DLG2: variants seen among roughly 807,000 people sequenced by gnomAD.
DLG2 encodes the protein disks large homolog 2.
DLG2 carries 45 observed loss-of-function variants against 132.5 expected under a neutral mutation model. The observed-to-expected ratio is 0.34, with a 90% CI of 0.27 to 0.44. The LOEUF is 0.44. DLG2 is among the 20% of genes least tolerant of loss of function. DLG2 has a pLI of 1.00. For synonymous variants in DLG2, 424 were observed against 419.6 expected (o/e 1.01, Z -0.13); for missense variants, 1,045 against 1,196.9 (o/e 0.87, Z 1.87).
intron 6 of DLG2, among the ~76,000 whole-genome samples, chr11:84,939,530 C>T (rs146051620): frequency 1.3e-5 from 2 of 152,206 alleles, no homozygotes; most frequent in East Asian, 3.9e-4. Flanking sequence ...TACCCATTAA[C>T]CATTCCCATT....
intron 9 of DLG2, among the ~76,000 whole-genome samples, chr11:84,102,746 G>T (rs1396944305): frequency 6.6e-6 from 1 of 152,138 alleles, no homozygotes; most frequent in Non-Finnish European, 1.5e-5. Context: ...ACAGAGAAAA[G>T]GGGATGTTTT....
rs562579938 is a variant in DLG2 at position 85,180,102 on chromosome 11, A to C, written c.187-25451T>G. Among the ~76,000 whole-genome samples, 3 of 151,994 alleles carry C rather than the reference A, an allele frequency of 2.0e-5. No individual in the cohort carries two copies. The East Asian group carries it at 5.8e-4, about 29-fold the overall frequency. ...TTATTAAATATTATACTCTAGAAGA[A>C]GCTTTATGGATGTCAAAATGCCAGC... On this transcript the variant is annotated intron_variant, in intron 4 of 27. Transcript: ENST00000376104.
At chr11:83,859,047 G>A (rs558035920) in intron 16 of DLG2, among the ~76,000 whole-genome samples, 10 of 152,082 alleles carry the variant, frequency 6.6e-5, no homozygotes, top group African/African-American at 2.4e-4. Flanking sequence ...GCTCCTCCTT[G>A]CCTTCTGCCA....
chr11:83,835,153 T>C (rs1298687333), intron 16 of DLG2, among the ~76,000 whole-genome samples: 2 of 152,194 alleles, frequency 1.3e-5, no homozygotes, highest in Admixed American at 6.5e-5. Context: ...AGTTAACTCA[T>C]TTCATTCTAC....
chr11:84,169,400 A>T (rs1200982680), intron 8 of DLG2, among the ~76,000 whole-genome samples: 1 of 152,202 alleles, frequency 6.6e-6, no homozygotes, highest in Admixed American at 6.5e-5. Flanking sequence ...CAAATACTGA[A>T]TGTTTGCTAA....
At chr11:84,127,066 T>C (rs1254615193) in intron 9 of DLG2, among the ~76,000 whole-genome samples, 2 of 152,196 alleles carry the variant, frequency 1.3e-5, no homozygotes, top group Admixed American at 6.5e-5. Context: ...CATTATAGTT[T>C]TAGGAATTTA....
chr11:84,318,926 G>GA (rs2098386342), intron 7 of DLG2, among the ~76,000 whole-genome samples: 1 of 151,960 alleles, frequency 6.6e-6, no homozygotes, highest in African/African-American at 2.4e-5. Flanking sequence ...TAAATGGAAG[G>GA]AAAAAATAGA....
At chr11:85,603,984 T>C (rs1250796246) in intron 2 of DLG2, among the ~76,000 whole-genome samples, 2 of 152,152 alleles carry the variant, frequency 1.3e-5, no homozygotes, top group Admixed American at 1.3e-4. Flanking sequence ...CTCAAAAATG[T>C]ATTAACAATA....
At chr11:83,802,070 T>A (rs2153941900) in intron 17 of DLG2, among the ~76,000 whole-genome samples, 1 of 152,090 alleles carries the variant, frequency 6.6e-6, no homozygotes, top group Admixed American at 6.6e-5. Context: ...CCCAAGACTT[T>A]TTTTTTTTCT....
Position 83,856,885 on chromosome 11 carries a change from A to G in DLG2, c.1565+17535T>C, listed in dbSNP as rs182290521. 2.5e-3 allele frequency among the ~76,000 whole-genome samples: 376 copies of G among 152,342 alleles called. 2 individuals are homozygous for G. Among genetic ancestry groups the G allele is most frequent in the Non-Finnish European group, 3.7e-3 (251 of 68,024 alleles). On this transcript the variant is annotated intron_variant, in intron 16 of 27. Transcript: ENST00000376104. Reference sequence around the variant, plus strand: ...TGTAATTGCTTTTGGCACCTTCATCATGAAATCTTTGCCTGTGCCTATATT... The same window carrying G: ...TGTAATTGCTTTTGGCACCTTCATCGTGAAATCTTTGCCTGTGCCTATATT...
chr11:83,546,700 A>G (rs761789390), intron 19 of DLG2, among the ~76,000 whole-genome samples: 1 of 152,142 alleles, frequency 6.6e-6, no homozygotes, highest in African/African-American at 2.4e-5. Flanking sequence ...TAATCTTAGA[A>G]TTCTTGGAAT....
chr11:84,382,858 C>A (rs752911539), intron 7 of DLG2, among the ~76,000 whole-genome samples: 1 of 147,738 alleles, frequency 6.8e-6, no homozygotes, highest in Non-Finnish European at 1.5e-5. Flanking sequence ...GGCGACAGAG[C>A]GAGACTCCGT....
intron 6 of DLG2, among the ~76,000 whole-genome samples, chr11:84,628,399 C>T (rs1308417154): frequency 6.6e-6 from 1 of 152,160 alleles, no homozygotes; most frequent in Admixed American, 6.5e-5. Context: ...AATCTCTGCC[C>T]TTGAGATATT....
Position 83,980,539 on chromosome 11 carries a change from A to G in DLG2, c.1023T>C (p.Asp341=). The part of the protein sequence containing the change: ...KIIDGGAAQK[D]GRLQVGDRLL... ...GTCTATCTCCTACTTGCAACCTTCC[A>G]TCTTTTTGTGCAGCTCCTCCATCTA... The change falls in exon 12 of 28, where the codon GAT becomes GAC. Residue 341 remains aspartate, a synonymous_variant. Coordinates refer to ENST00000376104, the MANE Select transcript of DLG2 (RefSeq NM_001142699.3). 6.2e-7 allele frequency: 1 copy of G among 1,613,788 alleles called. No homozygotes were observed. The highest frequency in any genetic ancestry group is 2.2e-5 in the East Asian group (1 of 44,854).
chr11:85,219,048 A>T (rs2082820945), intron 4 of DLG2, among the ~76,000 whole-genome samples: 1 of 152,088 alleles, frequency 6.6e-6, no homozygotes, highest in East Asian at 1.9e-4. Flanking sequence ...CATAAATATG[A>T]GAACAATAGA....
intron 9 of DLG2, among the ~76,000 whole-genome samples, chr11:84,124,615 C>T (rs2094079772): frequency 6.6e-6 from 1 of 152,098 alleles, no homozygotes; most frequent in Non-Finnish European, 1.5e-5. Context: ...TCTTTCTTTA[C>T]CATAAACTTG....
intron 15 of DLG2, among the ~76,000 whole-genome samples, chr11:83,880,096 A>G (rs1595850373): frequency 6.6e-6 from 1 of 152,162 alleles, no homozygotes; most frequent in East Asian, 1.9e-4. Flanking sequence ...GGCCAGGGGT[A>G]AGGTCAGGAA....
chr11:84,545,060 C>T, intron 6 of DLG2: 1 of 453,608 alleles, frequency 2.2e-6, no homozygotes, highest in Middle Eastern at 7.0e-4. Flanking sequence ...GCTGAGTTCA[C>T]AAATCTGTTG....
intron 8 of DLG2, among the ~76,000 whole-genome samples, chr11:84,168,824 CAT>C (rs1331302080): frequency 4.0e-4 from 43 of 106,926 alleles, no homozygotes; most frequent in African/African-American, 1.6e-3. Context: ...CACACACACA[CAT>C]ACACACACAC....
Sources: gnomAD v4.1 joint callset for allele counts (sites outside exome capture counted in the v4.1 genomes callset) on GRCh38, gnomAD v4.1.1 for gene constraint, MANE v1.5 for transcripts, NCBI Gene and HGNC (gene_info 2026-07-23, HGNC 2026-07-21) for gene names.